The following MEGF10 variants were observed in gnomAD, a reference collection of about 807,000 sequenced individuals.
MEGF10 encodes multiple epidermal growth factor-like domains protein 10.
A neutral mutation model predicts 147.5 loss-of-function variants in MEGF10; 86 were observed. That is an observed-to-expected ratio of 0.58 (90% CI 0.49 to 0.70). The LOEUF (loss-of-function observed/expected upper bound fraction) is 0.70. Among genes scored for constraint, MEGF10 ranks in the 30% least tolerant of loss-of-function variants. MEGF10 has a pLI of 0.00. For synonymous variants in MEGF10, 478 were observed against 525.5 expected (o/e 0.91, Z 1.24); for missense variants, 1,329 against 1,487.3 (o/e 0.89, Z 1.75).
intron 1 of MEGF10, among the ~76,000 whole-genome samples, chr5:127,312,507 TCG>T (rs1328523872): frequency 6.6e-6 from 1 of 152,198 alleles, no homozygotes; most frequent in Non-Finnish European, 1.5e-5. Context: ...AAACCCCCAA[TCG>T]CACAGAGTTT....
intron 5 of MEGF10, among the ~76,000 whole-genome samples, chr5:127,372,182 A>G (rs576454951): frequency 9.2e-5 from 14 of 152,328 alleles, no homozygotes; most frequent in Middle Eastern, 3.4e-3. Flanking sequence ...TTATGCATCA[A>G]TTTGATGGTG....
chr5:127,234,968 C>T, the MEGF10 span, among the ~76,000 whole-genome samples: 5 of 151,894 alleles, frequency 3.3e-5, no homozygotes, highest in Admixed American at 1.3e-4. Flanking sequence ...CTCAGCCTGC[C>T]GAGTAGCTGG....
rs113531746 is a variant in MEGF10 at position 127,403,481 on chromosome 5, G to T, written c.917+799G>T. On this transcript the variant is annotated intron_variant, in intron 8 of 24. Transcript: ENST00000503335. ...TTCAAATTATTTCAGAAAGTACAATGAAGTTACTATTGACCATAGTCACCC... is the reference window on the plus strand; with the variant it reads ...TTCAAATTATTTCAGAAAGTACAATTAAGTTACTATTGACCATAGTCACCC... Among the ~76,000 whole-genome samples the T allele has an allele frequency of 3.3e-3, 498 of 152,238 alleles. 1 individual carries two copies. The highest frequency in any genetic ancestry group is 0.011 in the African/African-American group (463 of 41,538).
At chr5:127,323,870 A>C (rs2126767590) in intron 1 of MEGF10, among the ~76,000 whole-genome samples, 1 of 152,290 alleles carries the variant, frequency 6.6e-6, no homozygotes, top group South Asian at 2.1e-4. Context: ...TGTTAGCAGG[A>C]GGCCTCAGTT....
At chr5:127,358,516 C>T (rs933959878) in intron 4 of MEGF10, among the ~76,000 whole-genome samples, 8 of 152,102 alleles carry the variant, frequency 5.3e-5, no homozygotes, top group Non-Finnish European at 1.2e-4. Context: ...TTTATGGCTC[C>T]ATAGAGAGTG....
chr5:127,239,294 G>C, the MEGF10 span, among the ~76,000 whole-genome samples: 10 of 150,492 alleles, frequency 6.6e-5, no homozygotes, highest in Admixed American at 2.7e-4. Flanking sequence ...CTGTAAATTA[G>C]ATAATGTTAA....
chr5:127,406,812 A>G (rs1246979374), intron 8 of MEGF10, among the ~76,000 whole-genome samples: 2 of 152,144 alleles, frequency 1.3e-5, no homozygotes, highest in Admixed American at 1.3e-4. Context: ...TGAAGAGACA[A>G]TGGTTTCCAG....
intron 9 of MEGF10, among the ~76,000 whole-genome samples, chr5:127,415,873 G>T (rs1764745093): frequency 6.9e-6 from 1 of 144,358 alleles, no homozygotes; most frequent in South Asian, 2.3e-4. Context: ...CTCCAGCCTG[G>T]GCGACAGAGA....
Position 127,445,451 on chromosome 5 carries a change from T to A in MEGF10, c.2492-6T>A, listed in dbSNP as rs1435355707. ...ATCCTTTCTCAAGTCTCTCTTCTTT[T>A]TCTAGCTGGTGTTATCATAGTTGGA... On this transcript the variant is annotated splice_polypyrimidine_tract_variant and splice_region_variant and intron_variant, in intron 19 of 24. Transcript: ENST00000503335. 6.2e-7 allele frequency: 1 copy of A among 1,607,068 alleles called. No individual in the cohort carries two copies. Among genetic ancestry groups the A allele is most frequent in the African/African-American group, 1.3e-5 (1 of 74,858 alleles).
chr5:127,301,878 T>C (rs2126715461), intron 1 of MEGF10, among the ~76,000 whole-genome samples: 1 of 152,320 alleles, frequency 6.6e-6, no homozygotes, highest in East Asian at 1.9e-4. Context: ...GAAAGAATCG[T>C]TCAAATGCTT....
rs115304660 is a variant in MEGF10 at position 127,393,964 on chromosome 5, C to T, written c.413-2568C>T. ...TTCTGTCCCCTCAGTTCCTCTACTTCTCCCTACCTCTCTCTTGTTATATAA... is the reference window on the plus strand; with the variant it reads ...TTCTGTCCCCTCAGTTCCTCTACTTTTCCCTACCTCTCTCTTGTTATATAA... On this transcript the variant is annotated intron_variant, in intron 5 of 24. Transcript: ENST00000503335. Among the ~76,000 whole-genome samples, 474 of 152,210 alleles carry T rather than the reference C, an allele frequency of 3.1e-3. 4 individuals carry two copies. The highest frequency in any genetic ancestry group is 0.011 in the African/African-American group (452 of 41,526).
chr5:127,362,740 A>C (rs1017809078), intron 4 of MEGF10, among the ~76,000 whole-genome samples: 1 of 152,098 alleles, frequency 6.6e-6, no homozygotes, highest in Non-Finnish European at 1.5e-5. Flanking sequence ...TTTTAATCCA[A>C]TCTGTTAATA....
At chr5:127,317,311 G>T (rs1417076226) in intron 1 of MEGF10, among the ~76,000 whole-genome samples, 1 of 152,184 alleles carries the variant, frequency 6.6e-6, no homozygotes, top group Non-Finnish European at 1.5e-5. Flanking sequence ...CTGTGCAGAA[G>T]CTCTTTAGTT....
intron 4 of MEGF10, among the ~76,000 whole-genome samples, chr5:127,352,548 T>A (rs751782160): frequency 9.2e-5 from 14 of 151,874 alleles, no homozygotes; most frequent in Non-Finnish European, 1.6e-4. Flanking sequence ...ATAATCCCAG[T>A]TACTTGGGAG....
intron 19 of MEGF10, chr5:127,444,561 A>C (rs2127022749): frequency 6.6e-6 from 1 of 152,352 alleles, no homozygotes; most frequent in East Asian, 1.9e-4. Flanking sequence ...GCAGCCTGAA[A>C]GCTTAAGTGA....
At chr5:127,249,624 A>G in the MEGF10 span, among the ~76,000 whole-genome samples, 5 of 152,128 alleles carry the variant, frequency 3.3e-5, no homozygotes, top group African/African-American at 1.2e-4. Flanking sequence ...ATATAAAAAC[A>G]GGAGCCAACT....
chr5:127,435,606 A>G (rs1359481085), intron 16 of MEGF10, 117 bp downstream of exon 16: 3 of 1,021,382 alleles, frequency 2.9e-6, no homozygotes, highest in East Asian at 3.1e-5. Context: ...ACTAATTAAA[A>G]GACACATTCT....
rs201209746 is a variant in MEGF10, at chr5:127,422,779, G to A, written c.1693+7G>A. 3.1e-6 allele frequency: 5 copies of A among 1,610,226 alleles called. No individual in the cohort carries two copies. Among genetic ancestry groups the A allele is most frequent in the Non-Finnish European group, 1.7e-6 (2 of 1,177,034 alleles). On this transcript the variant is annotated splice_region_variant and intron_variant, in intron 13 of 24. Transcript: ENST00000503335. Reference sequence around the variant, plus strand: ...TGCCTCCCCGGATGGTCAGGTGAGAGCCAAGGACCGCTAATTGAAAGGTGA... The same window carrying A: ...TGCCTCCCCGGATGGTCAGGTGAGAACCAAGGACCGCTAATTGAAAGGTGA...
chr5:127,317,421 C>A lies in MEGF10; in HGVS notation c.-18-13870C>A, dbSNP rs1261697655. ...ATGCCTATGTCCTGAATGGCATTGC[C>A]TAGGTTTTCTTCTAGGGTTTTTATG... is the stretch of plus-strand genomic sequence containing the variant. On this transcript the variant is annotated intron_variant, in intron 1 of 24. Transcript: ENST00000503335. 2.6e-5 allele frequency among the ~76,000 whole-genome samples: 4 copies of A among 152,190 alleles called. No individual in the cohort carries two copies. The East Asian group carries it at 7.7e-4, about 29-fold the overall frequency.
Sources: gnomAD v4.1 joint callset for allele counts (sites outside exome capture counted in the v4.1 genomes callset) on GRCh38, gnomAD v4.1.1 for gene constraint, MANE v1.5 for transcripts, NCBI Gene and HGNC (gene_info 2026-07-23, HGNC 2026-07-21) for gene names.